KMT2C: variants seen among roughly 807,000 people sequenced by gnomAD.
The protein encoded by KMT2C is histone-lysine N-methyltransferase 2C.
In KMT2C, 88 loss-of-function variants were observed where a neutral mutation model predicts 507.9. The ratio of observed to expected loss-of-function variants is 0.17; its 90% CI spans 0.15 to 0.21. KMT2C has a LOEUF of 0.21. Ranked by LOEUF, KMT2C falls within the 10% of genes least tolerant of loss-of-function variation. KMT2C has a pLI of 1.00. For synonymous variants in KMT2C, 2,049 were observed against 2,080.8 expected (o/e 0.98, Z 0.42); for missense variants, 4,954 against 5,957.8 (o/e 0.83, Z 5.55).
chr7:152,321,769 AAAC>A (rs1254080459), intron 3 of KMT2C, among the ~76,000 whole-genome samples: 1 of 152,018 alleles, frequency 6.6e-6, no homozygotes, highest in Admixed American at 6.5e-5. Context: ...AAATTTAAGA[AAAC>A]ATCAAGAAAT....
chr7:152,180,663 G>A (rs2129118894), intron 36 of KMT2C, 48 bp downstream of exon 36: 1 of 1,362,464 alleles, frequency 7.3e-7, no homozygotes, highest in Non-Finnish European at 1.0e-6. Context: ...GAAATGAACA[G>A]CTTCCTCAAA....
chr7:152,396,148 T>C (rs2097536882), intron 1 of KMT2C, among the ~76,000 whole-genome samples: 1 of 152,198 alleles, frequency 6.6e-6, no homozygotes, highest in Non-Finnish European at 1.5e-5. Context: ...ACAAACACTA[T>C]CACCCATAAG....
intron 14 of KMT2C, among the ~76,000 whole-genome samples, chr7:152,242,460 T>C (rs2095405110): frequency 6.6e-6 from 1 of 152,190 alleles, no homozygotes. Context: ...AGCAAAATAG[T>C]TCCTAATGTA....
intron 23 of KMT2C, among the ~76,000 whole-genome samples, chr7:152,215,518 A>T (rs2094554042): frequency 6.8e-6 from 1 of 146,716 alleles, no homozygotes; most frequent in South Asian, 2.1e-4. Flanking sequence ...TGTCTCAAAA[A>T]AAAAAAAAAA....
intron 6 of KMT2C, among the ~76,000 whole-genome samples, chr7:152,274,554 C>A (rs1274059989): frequency 2.0e-5 from 3 of 152,178 alleles, no homozygotes; most frequent in Non-Finnish European, 4.4e-5. Context: ...GGCAAGTGAA[C>A]ACATAAGAAG....
intron 43 of KMT2C, among the ~76,000 whole-genome samples, chr7:152,160,382 T>C (rs1301778646): frequency 6.6e-6 from 1 of 152,012 alleles, no homozygotes; most frequent in Admixed American, 6.5e-5. Context: ...GCAATCTTGG[T>C]TTAACAAGCC....
In KMT2C at chr7:152,182,164, G is replaced by A. The variant is rs1278551602; in HGVS notation, c.5696C>T (p.Ala1899Val). Residue 1899 changes from alanine (A) to valine (V), a missense_variant, in exon 36 of 59, where the codon GCA (alanine) becomes GTA (valine). Physicochemically the swap from Ala to Val is moderately conservative, Grantham distance 64 (BLOSUM62 0). Around this residue, in one of 29 missense-constraint regions of KMT2C, gnomAD observed 1,689 missense variants for 1,654.3 expected, o/e 1.02. Transcript: ENST00000262189. Reference sequence around the variant, plus strand: ...TGGTCGAGGGGTACCAACCATTTTTGCATATGGATCCATTGGAGATGGTGG... The same window carrying A: ...TGGTCGAGGGGTACCAACCATTTTTACATATGGATCCATTGGAGATGGTGG... ...SRPPSPMDPYAKMVGTPRPPP... is the reference protein window; with the variant it reads ...SRPPSPMDPYVKMVGTPRPPP... 2 of 1,614,124 alleles carry A rather than the reference G, an allele frequency of 1.2e-6. No homozygotes were observed. The highest frequency in any genetic ancestry group is 1.7e-6 in the Non-Finnish European group (2 of 1,180,018).
rs756669007 is a variant in KMT2C, at chr7:152,180,728, T to C, written c.7132A>G (p.Thr2378Ala). 6.2e-7 allele frequency: 1 copy of C among 1,612,426 alleles called. No individual in the cohort carries two copies. Among genetic ancestry groups the C allele is most frequent in the Non-Finnish European group, 8.5e-7 (1 of 1,179,100 alleles). ...QNTVNMAQAD[T>A]EKLRQRQKLR... ...GTGTTTACCTGTCTCAATTTCTCTG[T>C]ATCTGCTTGGGCCATATTTACAGTA... Residue 2378 changes from threonine (T) to alanine (A), a missense_variant, in exon 36 of 59, where the codon ACA becomes GCA. Thr to Ala is a moderately conservative substitution (Grantham distance 58, BLOSUM62 0). Coordinates refer to ENST00000262189, the MANE Select transcript of KMT2C (RefSeq NM_170606.3).
At chr7:152,432,610 T>C (rs2097873308) in intron 1 of KMT2C, among the ~76,000 whole-genome samples, 1 of 152,228 alleles carries the variant, frequency 6.6e-6, no homozygotes, top group Non-Finnish European at 1.5e-5. Context: ...ATAGCTTCAG[T>C]TCAAGTTTCT....
At chr7:152,331,718 G>A (rs2096885947) in intron 2 of KMT2C, among the ~76,000 whole-genome samples, 2 of 137,090 alleles carry the variant, frequency 1.5e-5, no homozygotes, top group Non-Finnish European at 3.0e-5. Context: ...GCGCGATCTC[G>A]ACTCACTGCC....
intron 1 of KMT2C, among the ~76,000 whole-genome samples, chr7:152,397,669 C>A (rs1248399428): frequency 6.6e-6 from 1 of 152,088 alleles, no homozygotes. Context: ...ATAATTCCCA[C>A]GTGTTGTGGA....
In KMT2C at chr7:152,148,829, G is replaced by A. The variant is rs2129095559; in HGVS notation, c.13098C>T (p.Ile4366=). ...KWKKWSIHIV[I]PKGTFKPPCE... Reference sequence around the variant, plus strand: ...AAGGTGGTTTAAATGTCCCCTTAGGGATTACAATATGAATGCTCCACTTCT... The same window carrying A: ...AAGGTGGTTTAAATGTCCCCTTAGGAATTACAATATGAATGCTCCACTTCT... Residue 4366 remains isoleucine, a synonymous_variant, in exon 52 of 59, where the codon ATC becomes ATT. Coordinates refer to ENST00000262189, the MANE Select transcript of KMT2C (RefSeq NM_170606.3). The surrounding 1 kb of genome is among the most constrained non-coding windows in gnomAD (Gnocchi z 7.1). 6.2e-7 allele frequency: 1 copy of A among 1,614,168 alleles called. No individual in the cohort carries two copies.
At position 152,138,470 on chromosome 7, in the gene KMT2C, A is replaced by G; in HGVS notation, c.14643+326T>C. On this transcript the variant is annotated intron_variant, in intron 58 of 58. Coordinates refer to ENST00000262189, the MANE Select transcript of KMT2C (RefSeq NM_170606.3). This position sits in a 1 kb window ranked among gnomAD's most constrained non-coding sequence, Gnocchi z 4.2. ...GATGCTCTTCAGAGGGGACACTGCC[A>G]AACTGTGTCCAGGTTAAGGGGATAA... The G allele has an allele frequency of 4.8e-6, 1 of 207,986 alleles. No homozygotes were observed. Among genetic ancestry groups the G allele is most frequent in the South Asian group, 8.2e-5 (1 of 12,154 alleles). 12.9% of individuals were successfully genotyped at this position (207,986 alleles called of 1,614,324 possible).
chr7:152,386,202 TAAAAA>T (rs1411919925), intron 1 of KMT2C, among the ~76,000 whole-genome samples: 1 of 146,044 alleles, frequency 6.8e-6, no homozygotes, highest in Non-Finnish European at 1.5e-5. Context: ...CCTCAGCTGT[TAAAAA>T]AGAAAAAAAA....
intron 2 of KMT2C, among the ~76,000 whole-genome samples, chr7:152,347,059 G>C (rs554563179): frequency 6.6e-6 from 1 of 152,208 alleles, no homozygotes; most frequent in African/African-American, 2.4e-5. Context: ...GGAAGGCAGA[G>C]GCTGCAGTGA....
In KMT2C at chr7:152,144,877, G is replaced by A. The variant is rs2129092877; in HGVS notation, c.14179C>T (p.His4727Tyr). The part of the protein sequence containing the change: ...AHVKRFVLRP[H>Y]TLNSTSTSKS... Reference sequence around the variant, plus strand: ...GAGGTGCTGGTGCTGTTTAAGGTGTGAGGCCTGCAGACAATGGCATATCAA... The same window carrying A: ...GAGGTGCTGGTGCTGTTTAAGGTGTAAGGCCTGCAGACAATGGCATATCAA... The change falls in exon 55 of 59, where the codon CAC becomes TAC. Residue 4727 changes from histidine to tyrosine, a missense_variant. Coordinates refer to ENST00000262189, the MANE Select transcript of KMT2C (RefSeq NM_170606.3). This position sits in a 1 kb window ranked among gnomAD's most constrained non-coding sequence, Gnocchi z 4.4. 6.2e-7 allele frequency: 1 copy of A among 1,609,164 alleles called. No individual in the cohort carries two copies. The highest frequency in any genetic ancestry group is 2.2e-5 in the East Asian group (1 of 44,712).
chr7:152,225,760 T>A (rs1421182857), intron 18 of KMT2C, among the ~76,000 whole-genome samples: 1 of 152,160 alleles, frequency 6.6e-6, no homozygotes, highest in African/African-American at 2.4e-5. Flanking sequence ...GAGAAGGGAA[T>A]GTCTAGAAGG....
intron 2 of KMT2C, among the ~76,000 whole-genome samples, chr7:152,352,439 C>T (rs751827484): frequency 1.6e-4 from 25 of 152,108 alleles, no homozygotes; most frequent in Non-Finnish European, 3.1e-4. Flanking sequence ...ATCTCTGTGA[C>T]CCACACCCTA....
intron 23 of KMT2C, among the ~76,000 whole-genome samples, chr7:152,210,551 T>A (rs73161894): frequency 0.03 from 4,566 of 151,946 alleles, 141 homozygotes; most frequent in Non-Finnish European, 0.037. Context: ...TTTTTTTTTT[T>A]TAAAAAAGCT....
Sources: gnomAD v4.1 joint callset for allele counts (sites outside exome capture counted in the v4.1 genomes callset) on GRCh38, gnomAD v4.1.1 for gene constraint, gnomAD v4.1.1 regional missense constraint, Gnocchi (gnomAD v3.1) non-coding constraint, MANE v1.5 for transcripts, NCBI Gene and HGNC (gene_info 2026-07-23, HGNC 2026-07-21) for gene names.